Variants in DOCK3 observed in about 807,000 individuals in gnomAD.
DOCK3 encodes the protein dedicator of cytokinesis protein 3.
DOCK3 carries 60 observed loss-of-function variants against 265.6 expected under a neutral mutation model. The observed-to-expected ratio is 0.23, with a 90% confidence interval of 0.18 to 0.28. The LOEUF (loss-of-function observed/expected upper bound fraction) is 0.28. Among genes scored for constraint, DOCK3 ranks in the 10% least tolerant of loss-of-function variants. The pLI is 1.00. For missense variants in DOCK3, 1,981 were observed against 2,594.3 expected (o/e 0.76, Z 5.14); for synonymous variants, 881 against 938.0 (o/e 0.94, Z 1.11).
At chr3:50,878,393 A>G (rs531369856) in intron 3 of DOCK3, among the ~76,000 whole-genome samples, 3 of 152,278 alleles carry the variant, frequency 2.0e-5, no homozygotes, top group East Asian at 3.9e-4. Context: ...AAAAGATTAG[A>G]TGGGTGGCTA....
At chr3:50,977,758 CTCCCCG>C (rs1263969812) in intron 5 of DOCK3, among the ~76,000 whole-genome samples, 2 of 152,126 alleles carry the variant, frequency 1.3e-5, no homozygotes, top group Non-Finnish European at 1.5e-5. Context: ...TGGTTCCATT[CTCCCCG>C]TCACTTTCAG....
chr3:50,978,091 G>T (rs2077536906), intron 5 of DOCK3, among the ~76,000 whole-genome samples: 1 of 151,910 alleles, frequency 6.6e-6, no homozygotes, highest in Non-Finnish European at 1.5e-5. Flanking sequence ...TGGTTTGAGT[G>T]TCCTCCCGTA....
intron 12 of DOCK3, among the ~76,000 whole-genome samples, chr3:51,203,633 A>G (rs1436367320): frequency 6.6e-6 from 1 of 152,186 alleles, no homozygotes; most frequent in Non-Finnish European, 1.5e-5. Flanking sequence ...CAAGCTACCA[A>G]TGACTTTCTT....
chr3:50,731,539 C>T (rs1445752452), intron 1 of DOCK3, among the ~76,000 whole-genome samples: 1 of 151,990 alleles, frequency 6.6e-6, no homozygotes, highest in Non-Finnish European at 1.5e-5. Context: ...TTCCTGTGAT[C>T]CAAAAACAGC....
intron 51 of DOCK3, among the ~76,000 whole-genome samples, chr3:51,376,898 C>T (rs2088184125): frequency 6.6e-6 from 1 of 152,254 alleles, no homozygotes; most frequent in African/African-American, 2.4e-5. Context: ...GCTGAAGATG[C>T]CTTCATAGCT....
At chr3:51,078,842 C>T (rs953009700) in intron 7 of DOCK3, among the ~76,000 whole-genome samples, 1 of 152,138 alleles carries the variant, frequency 6.6e-6, no homozygotes, top group African/African-American at 2.4e-5. Flanking sequence ...AAAAGGTCTA[C>T]TGTGTGTTAT....
chr3:50,949,002 G>A (rs1575595648), intron 5 of DOCK3, among the ~76,000 whole-genome samples: 1 of 152,114 alleles, frequency 6.6e-6, no homozygotes, highest in Admixed American at 6.5e-5. Flanking sequence ...GGAAAAGGAA[G>A]TCTTTTTAAC....
At chr3:50,988,007 G>A (rs1435794004) in intron 5 of DOCK3, among the ~76,000 whole-genome samples, 1 of 152,180 alleles carries the variant, frequency 6.6e-6, no homozygotes, top group Non-Finnish European at 1.5e-5. Context: ...TTAGGAAAGA[G>A]GCTGAATCCA....
chr3:51,352,207 T>C (rs2086040898), intron 40 of DOCK3, among the ~76,000 whole-genome samples: 2 of 152,260 alleles, frequency 1.3e-5, no homozygotes, highest in African/African-American at 4.8e-5. Flanking sequence ...TTTCTCATTT[T>C]ATCTTTTCAA....
intron 5 of DOCK3, among the ~76,000 whole-genome samples, chr3:51,038,857 C>T (rs899910249): frequency 6.6e-6 from 1 of 151,902 alleles, no homozygotes; most frequent in African/African-American, 2.4e-5. Flanking sequence ...AAGATAAGTA[C>T]AGGCATGTAT....
At chr3:50,851,005 G>A (rs1027074926) in intron 3 of DOCK3, among the ~76,000 whole-genome samples, 6 of 152,216 alleles carry the variant, frequency 3.9e-5, no homozygotes, top group Non-Finnish European at 1.5e-5. Flanking sequence ...TGGGTAGGGT[G>A]GACCATGCAG....
chr3:51,292,772 G>C (rs2081859894), intron 27 of DOCK3, among the ~76,000 whole-genome samples: 1 of 152,092 alleles, frequency 6.6e-6, no homozygotes, highest in Non-Finnish European at 1.5e-5. Context: ...CCACCTCCCA[G>C]GTTCTAGAGA....
rs1343510311 is a variant in DOCK3, at chr3:51,338,378, G to A, written c.3631G>A (p.Glu1211Lys). Residue 1211 changes from glutamate (E) to lysine (K), a missense_variant, in exon 36 of 53, where the codon GAA becomes AAA. By Grantham distance (56) the Glu-to-Lys change is moderately conservative. Transcript: ENST00000266037. ...TTCCAGGGACTGCATGAAAGGAGAG[G>A]AAACAGAGAATAAGAAGATAGGCTG... ...LDYRDCMKGE[E>K]TENKKIGCTV... 1 of 1,551,718 alleles carries A rather than the reference G, an allele frequency of 6.4e-7. No homozygotes were observed. Among genetic ancestry groups the A allele is most frequent in the African/African-American group, 1.4e-5 (1 of 73,064 alleles).
At chr3:50,769,379 G>A (rs1480048253) in intron 1 of DOCK3, among the ~76,000 whole-genome samples, 1 of 152,106 alleles carries the variant, frequency 6.6e-6, no homozygotes, top group East Asian at 1.9e-4. Flanking sequence ...TGGAAGGAAT[G>A]TACTTCAGCA....
At chr3:50,717,551 A>G (rs535896936) in intron 1 of DOCK3, among the ~76,000 whole-genome samples, 5 of 152,124 alleles carry the variant, frequency 3.3e-5, no homozygotes, top group Admixed American at 6.5e-5. Flanking sequence ...GAGTATGTGA[A>G]ATCACCTACA....
intron 9 of DOCK3, among the ~76,000 whole-genome samples, chr3:51,129,791 A>G (rs552878949): frequency 2.0e-5 from 3 of 152,326 alleles, no homozygotes; most frequent in East Asian, 1.9e-4. Flanking sequence ...CAGCATCCCT[A>G]TCTGCCATTG....
intron 9 of DOCK3, among the ~76,000 whole-genome samples, chr3:51,135,148 C>A (rs962884269): frequency 6.6e-6 from 1 of 152,198 alleles, no homozygotes; most frequent in Non-Finnish European, 1.5e-5. Flanking sequence ...TCCACAGAGA[C>A]CTCGAATTCA....
chr3:51,326,137 C>G (rs952961360), intron 32 of DOCK3, among the ~76,000 whole-genome samples: 4 of 151,936 alleles, frequency 2.6e-5, no homozygotes, highest in Non-Finnish European at 5.9e-5. Context: ...AGCAACTTGT[C>G]ATGACTACCT....
intron 1 of DOCK3, among the ~76,000 whole-genome samples, chr3:50,758,934 A>C (rs889410646): frequency 6.6e-6 from 1 of 152,174 alleles, no homozygotes; most frequent in Non-Finnish European, 1.5e-5. Context: ...ATGTTGTAGC[A>C]TGTCAAGATT....
Sources: gnomAD v4.1 joint callset for allele counts (sites outside exome capture counted in the v4.1 genomes callset) on GRCh38, gnomAD v4.1.1 for gene constraint, MANE v1.5 for transcripts, NCBI Gene and HGNC (gene_info 2026-07-23, HGNC 2026-07-21) for gene names.